Variants in LINGO2 observed in about 807,000 individuals in gnomAD.
LINGO2 encodes the protein leucine-rich repeat and immunoglobulin-like domain-containing nogo receptor-interacting protein 2.
LINGO2 carries 14 observed loss-of-function variants against 30.6 expected under a neutral mutation model. That is an observed-to-expected ratio of 0.46 (90% confidence interval 0.30 to 0.72). LINGO2 has a LOEUF of 0.72. LINGO2 is among the 30% of genes least tolerant of loss of function. The pLI is 0.07. For synonymous variants in LINGO2, 317 were observed against 288.5 expected, an observed-to-expected ratio of 1.10 and a Z score of -1.00; for missense variants, 729 against 751.7, an observed-to-expected ratio of 0.97 and a Z score of 0.35.
chr9:28,405,459 A>C (rs900406055), intron 2 of LINGO2, among the ~76,000 whole-genome samples: 1 of 152,052 alleles, frequency 6.6e-6, no homozygotes, highest in Non-Finnish European at 1.5e-5. Context: ...CATCAAATTC[A>C]ATTTAATTTG....
intron 2 of LINGO2, among the ~76,000 whole-genome samples, chr9:28,455,671 C>T (rs962222360): frequency 6.6e-6 from 1 of 152,108 alleles, no homozygotes; most frequent in Non-Finnish European, 1.5e-5. Flanking sequence ...ATAGGCCATG[C>T]TACTCTCTTG....
At chr9:28,337,185 CT>C (rs1825619430) in intron 3 of LINGO2, among the ~76,000 whole-genome samples, 1 of 151,242 alleles carries the variant, frequency 6.6e-6, no homozygotes, top group South Asian at 2.1e-4. Flanking sequence ...GAGAAAAACA[CT>C]TTCTCTCTTT....
chr9:29,165,727 CTG>C, the LINGO2 span, among the ~76,000 whole-genome samples: 1 of 151,898 alleles, frequency 6.6e-6, no homozygotes, highest in Non-Finnish European at 1.5e-5. Context: ...AATTAAGTAA[CTG>C]TGATTTACTG....
At chr9:28,967,801 A>G in the LINGO2 span, among the ~76,000 whole-genome samples, 2 of 152,214 alleles carry the variant, frequency 1.3e-5, no homozygotes, top group African/African-American at 4.8e-5. Context: ...TGTATAGCAT[A>G]CAATCTATTT....
the LINGO2 span, among the ~76,000 whole-genome samples, chr9:28,935,480 A>G: frequency 6.6e-6 from 1 of 152,114 alleles, no homozygotes; most frequent in Non-Finnish European, 1.5e-5. Context: ...AGGCAATGTA[A>G]TGAATGTTGA....
At chr9:28,052,370 C>G (rs535765047) in intron 4 of LINGO2, among the ~76,000 whole-genome samples, 1 of 152,060 alleles carries the variant, frequency 6.6e-6, no homozygotes, top group Non-Finnish European at 1.5e-5. Context: ...TGCTTTAACA[C>G]GAAGCACATT....
At chr9:28,786,976 G>A in the LINGO2 span, among the ~76,000 whole-genome samples, 1 of 152,132 alleles carries the variant, frequency 6.6e-6, no homozygotes, top group Admixed American at 6.6e-5. Context: ...AACAATGTGT[G>A]CATGACTCTC....
chr9:28,031,714 G>C (rs1823681511), intron 4 of LINGO2, among the ~76,000 whole-genome samples: 1 of 152,140 alleles, frequency 6.6e-6, no homozygotes, highest in Non-Finnish European at 1.5e-5. Context: ...GTTTGTCCAG[G>C]GCTGATTGGG....
intron 4 of LINGO2, among the ~76,000 whole-genome samples, chr9:28,077,905 C>T (rs1240113621): frequency 1.3e-5 from 2 of 148,984 alleles, no homozygotes; most frequent in African/African-American, 2.6e-5. Context: ...ACCTACTCTA[C>T]TGCTTCTTTG....
the LINGO2 span, among the ~76,000 whole-genome samples, chr9:29,061,109 C>A: frequency 6.6e-6 from 1 of 151,864 alleles, no homozygotes; most frequent in African/African-American, 2.4e-5. Flanking sequence ...AATGTAAAAT[C>A]TTGAAAGCAG....
chr9:28,978,836 C>CT, the LINGO2 span, among the ~76,000 whole-genome samples: 5 of 82,768 alleles, frequency 6.0e-5, no homozygotes, highest in Admixed American at 6.4e-4. Context: ...CACAGATATT[C>CT]TGAAGAGTGT....
intron 5 of LINGO2, among the ~76,000 whole-genome samples, chr9:28,001,904 T>C (rs1449562519): frequency 2.6e-5 from 4 of 152,230 alleles, no homozygotes; most frequent in African/African-American, 9.6e-5. Flanking sequence ...TTTTGATAAT[T>C]GATACATTGA....
At chr9:29,113,648 G>A in the LINGO2 span, among the ~76,000 whole-genome samples, 1 of 152,136 alleles carries the variant, frequency 6.6e-6, no homozygotes. Flanking sequence ...CTCAGCAGCA[G>A]ACAAGTGCAG....
In LINGO2 at chr9:28,561,749, G is replaced by GTGTGTGTGTA. The variant is rs772157537; in HGVS notation, c.-364-85725_-364-85724insTACACACACA. On this transcript the variant is annotated intron_variant, in intron 1 of 5. Transcript: ENST00000379992. ...TATATATAATTTTGTGTGTGTGTGT[G>GTGTGTGTGTA]TATATATATATATATATATATATAT... Among the ~76,000 whole-genome samples, 13 of 48,748 alleles carry GTGTGTGTGTA rather than the reference G, an allele frequency of 2.7e-4. 1 individual carries two copies. Among genetic ancestry groups the GTGTGTGTGTA allele is most frequent in the Non-Finnish European group, 4.3e-4 (12 of 27,676 alleles). The allele number at this position is 48,748 out of a possible 152,430, so 32.0% of individuals were successfully genotyped here.
At chr9:28,366,323 CTG>C (rs1820674936) in intron 3 of LINGO2, among the ~76,000 whole-genome samples, 1 of 152,136 alleles carries the variant, frequency 6.6e-6, no homozygotes, top group Non-Finnish European at 1.5e-5. Flanking sequence ...GATCTTTAGG[CTG>C]TGTTTGAAAG....
At chr9:28,658,728 G>GT (rs1277036215) in intron 1 of LINGO2, among the ~76,000 whole-genome samples, 2 of 151,850 alleles carry the variant, frequency 1.3e-5, no homozygotes, top group Non-Finnish European at 2.9e-5. Context: ...ACAAGTGTTT[G>GT]TTTTGTTTTG....
chr9:28,330,022 C>T (rs1825364923), intron 3 of LINGO2, among the ~76,000 whole-genome samples: 1 of 152,042 alleles, frequency 6.6e-6, no homozygotes, highest in African/African-American at 2.4e-5. Context: ...ACCCCCAATG[C>T]GATAGTGTTT....
intron 4 of LINGO2, among the ~76,000 whole-genome samples, chr9:28,101,084 T>G (rs956231713): frequency 2.0e-5 from 3 of 152,076 alleles, no homozygotes; most frequent in African/African-American, 7.2e-5. Flanking sequence ...TTGAAATGAT[T>G]TCTGTTTTTA....
chr9:28,555,852 T>C (rs920179943), intron 1 of LINGO2, among the ~76,000 whole-genome samples: 2 of 151,900 alleles, frequency 1.3e-5, no homozygotes, highest in African/African-American at 4.8e-5. Flanking sequence ...TATAAGCAAA[T>C]CAATAAATGT....
Sources: gnomAD v4.1 joint callset for allele counts (sites outside exome capture counted in the v4.1 genomes callset) on GRCh38, gnomAD v4.1.1 for gene constraint, MANE v1.5 for transcripts, NCBI Gene and HGNC (gene_info 2026-07-23, HGNC 2026-07-21) for gene names.